The following FSTL5 variants were observed in gnomAD, a reference collection of about 807,000 sequenced individuals.
The protein encoded by FSTL5 is follistatin-related protein 5.
A neutral mutation model predicts 89.1 loss-of-function variants in FSTL5; 62 were observed. The observed-to-expected ratio is 0.70, with a 90% CI of 0.57 to 0.86. The LOEUF is 0.86. Ranked by LOEUF, FSTL5 falls within the 40% of genes least tolerant of loss-of-function variation. The pLI, the probability that FSTL5 is intolerant of heterozygous loss-of-function variation, is 0.00. For missense variants in FSTL5, 1,057 were observed against 1,001.6 expected (o/e 1.06, Z -0.75); for synonymous variants, 383 against 346.2 (o/e 1.11, Z -1.18).
chr4:161,748,606 GTTTTTTTTT>G (rs5863480), intron 6 of FSTL5, among the ~76,000 whole-genome samples: 2 of 103,544 alleles, frequency 1.9e-5, no homozygotes, highest in Non-Finnish European at 4.1e-5. Context: ...GGGGAAGCAC[GTTTTTTTTT>G]TTTTTTTTTT....
intron 2 of FSTL5, among the ~76,000 whole-genome samples, chr4:162,070,405 T>C (rs917711801): frequency 1.3e-5 from 2 of 151,942 alleles, no homozygotes; most frequent in Non-Finnish European, 2.9e-5. Context: ...ATCTGAAGTC[T>C]TACTCATAAA....
rs189628987 is a variant in FSTL5, at chr4:161,472,470, T to C, written c.1608+8550A>G. On this transcript the variant is annotated intron_variant, in intron 13 of 15. Coordinates refer to ENST00000306100, the MANE Select transcript of FSTL5 (RefSeq NM_020116.5). ...TGAGATATTTCTTGATTTTTTTAAATGTAAGTATTTATCATTCTAAATTCC... is the reference window on the plus strand; with the variant it reads ...TGAGATATTTCTTGATTTTTTTAAACGTAAGTATTTATCATTCTAAATTCC... Among the ~76,000 whole-genome samples, 37 of 152,286 alleles carry C rather than the reference T, an allele frequency of 2.4e-4. No individual in the cohort carries two copies. In the East Asian group the frequency reaches 6.8e-3, roughly 28 times the overall value.
At chr4:161,474,229 T>C (rs1308330824) in intron 13 of FSTL5, among the ~76,000 whole-genome samples, 1 of 152,154 alleles carries the variant, frequency 6.6e-6, no homozygotes, top group Non-Finnish European at 1.5e-5. Flanking sequence ...CTTTAATAGC[T>C]CCATTCTGAT....
At chr4:162,000,659 G>A (rs1321726069) in intron 3 of FSTL5, among the ~76,000 whole-genome samples, 1 of 151,366 alleles carries the variant, frequency 6.6e-6, no homozygotes, top group Non-Finnish European at 1.5e-5. Flanking sequence ...ATAAAACTAA[G>A]GTTAAAAGGT....
At chr4:161,907,053 C>G (rs1453724349) in intron 4 of FSTL5, among the ~76,000 whole-genome samples, 1 of 152,018 alleles carries the variant, frequency 6.6e-6, no homozygotes, top group South Asian at 2.1e-4. Context: ...AATGTTTCCA[C>G]TTGTTAAAAT....
intron 6 of FSTL5, among the ~76,000 whole-genome samples, chr4:161,749,533 C>T (rs914834275): frequency 6.6e-6 from 1 of 152,148 alleles, no homozygotes; most frequent in African/African-American, 2.4e-5. Context: ...CGCGGTGGCT[C>T]ACGCCTGTAA....
intron 3 of FSTL5, among the ~76,000 whole-genome samples, chr4:161,979,122 G>T (rs1013709837): frequency 3.9e-5 from 6 of 152,112 alleles, no homozygotes; most frequent in African/African-American, 1.4e-4. Flanking sequence ...ATCTGGTCTT[G>T]GCTATGTGGC....
At chr4:161,424,946 TC>T (rs1204950683) in intron 15 of FSTL5, among the ~76,000 whole-genome samples, 1 of 152,214 alleles carries the variant, frequency 6.6e-6, no homozygotes, top group African/African-American at 2.4e-5. Context: ...ATTGGCTTTT[TC>T]CCCATTGTTC....
chr4:161,900,894 T>C (rs914543725), intron 4 of FSTL5, among the ~76,000 whole-genome samples: 11 of 152,134 alleles, frequency 7.2e-5, no homozygotes, highest in Admixed American at 2.0e-4. Flanking sequence ...TTTAATAATG[T>C]ATTTGTAAAT....
intron 9 of FSTL5, 53 bp from the exon 10 acceptor site, chr4:161,538,353 A>T (rs1298843950): frequency 1.4e-5 from 22 of 1,595,674 alleles, no homozygotes; most frequent in African/African-American, 2.7e-5. Context: ...GTTTTGGAAC[A>T]GTGCTTTCTG....
chr4:161,651,329 T>C (rs1303349661), intron 7 of FSTL5, among the ~76,000 whole-genome samples: 1 of 138,480 alleles, frequency 7.2e-6, no homozygotes, highest in Non-Finnish European at 1.6e-5. Flanking sequence ...CTTCCTTGAA[T>C]TGAAAAAAAA....
At chr4:161,519,047 C>T (rs1411428704) in intron 10 of FSTL5, among the ~76,000 whole-genome samples, 4 of 152,176 alleles carry the variant, frequency 2.6e-5, no homozygotes, top group African/African-American at 7.2e-5. Flanking sequence ...ATGGGTTTCT[C>T]CCAGAAATGT....
chr4:162,015,606 T>G (rs1736894449), intron 3 of FSTL5, among the ~76,000 whole-genome samples: 1 of 152,154 alleles, frequency 6.6e-6, no homozygotes, highest in African/African-American at 2.4e-5. Context: ...TCTTCTCCCT[T>G]CCTTATGATG....
At chr4:161,538,131 G>GGT (rs1442493090) in intron 10 of FSTL5, 35 bp downstream of exon 10, 12 of 1,597,712 alleles carry the variant, frequency 7.5e-6, no homozygotes, top group South Asian at 1.1e-5. Flanking sequence ...CGTTGAATAT[G>GGT]GTGTGTGTGT....
intron 4 of FSTL5, among the ~76,000 whole-genome samples, chr4:161,912,003 G>A (rs6536629): frequency 0.82 from 124,087 of 152,062 alleles, 51,573 homozygotes; most frequent in Non-Finnish European, 0.9. Flanking sequence ...ATATCTGTGG[G>A]TGCTCTTCAG....
intron 10 of FSTL5, among the ~76,000 whole-genome samples, chr4:161,536,620 C>T (rs919688226): frequency 2.0e-5 from 3 of 152,004 alleles, no homozygotes; most frequent in Non-Finnish European, 4.4e-5. Flanking sequence ...TTTAAATGGG[C>T]ACTTTTACTT....
chr4:162,036,461 G>C (rs1351480298), intron 2 of FSTL5, among the ~76,000 whole-genome samples: 1 of 151,836 alleles, frequency 6.6e-6, no homozygotes, highest in Non-Finnish European at 1.5e-5. Context: ...ATAATTCCAA[G>C]GATTCAAAGT....
chr4:161,686,561 C>T (rs1210369203), intron 6 of FSTL5, among the ~76,000 whole-genome samples: 4 of 150,540 alleles, frequency 2.7e-5, no homozygotes, highest in Non-Finnish European at 4.4e-5. Context: ...AGGGTTTCAC[C>T]GTGTTATCCA....
At chr4:161,417,953 C>T (rs572327615) in intron 15 of FSTL5, among the ~76,000 whole-genome samples, 2 of 152,178 alleles carry the variant, frequency 1.3e-5, no homozygotes, top group African/African-American at 4.8e-5. Flanking sequence ...ACAGCAGGTC[C>T]TTCAACAAGG....
Sources: allele counts gnomAD v4.1 joint callset (sites outside exome capture counted in the v4.1 genomes callset), GRCh38; gene constraint gnomAD v4.1.1; transcripts MANE v1.5; gene names NCBI Gene and HGNC (gene_info 2026-07-23, HGNC 2026-07-21).